Variants in CALN1 observed in about 807,000 individuals in gnomAD.
The protein encoded by CALN1 is calneuron 1.
In CALN1, 17 loss-of-function variants were observed where a neutral mutation model predicts 30.6. The ratio of observed to expected loss-of-function variants is 0.56; its 90% CI spans 0.38 to 0.83. The LOEUF (loss-of-function observed/expected upper bound fraction) is 0.83, where lower values mean the gene tolerates loss of function less well. Ranked by LOEUF, CALN1 falls within the 40% of genes least tolerant of loss-of-function variation. The pLI, the probability that CALN1 is intolerant of heterozygous loss-of-function variation, is 0.00. For missense variants in CALN1, 291 were observed against 354.9 expected, an observed-to-expected ratio of 0.82 and a Z score of 1.45; for synonymous variants, 156 against 131.4, an observed-to-expected ratio of 1.19 and a Z score of -1.28.
intron 3 of CALN1, among the ~76,000 whole-genome samples, chr7:72,236,079 CAAAAAA>C (rs11299009): frequency 8.4e-6 from 1 of 118,594 alleles, no homozygotes. Flanking sequence ...CCATTCTCCA[CAAAAAA>C]AAAAAAAAAA....
intron 5 of CALN1, among the ~76,000 whole-genome samples, chr7:71,878,898 G>A (rs1792408257): frequency 6.6e-6 from 1 of 152,214 alleles, no homozygotes; most frequent in Non-Finnish European, 1.5e-5. Context: ...AATCAGGTGA[G>A]AAGAGAGAAC....
chr7:72,000,626 C>T (rs909310815), intron 5 of CALN1, among the ~76,000 whole-genome samples: 1 of 152,128 alleles, frequency 6.6e-6, no homozygotes, highest in Non-Finnish European at 1.5e-5. Flanking sequence ...TATACCATCT[C>T]TCCCATAAAC....
At chr7:71,957,433 CAG>C (rs1407474041) in intron 5 of CALN1, among the ~76,000 whole-genome samples, 1 of 152,130 alleles carries the variant, frequency 6.6e-6, no homozygotes, top group Non-Finnish European at 1.5e-5. Context: ...GTAAGCAACT[CAG>C]AGATGAAATA....
At chr7:71,895,235 A>G (rs567698928) in intron 5 of CALN1, among the ~76,000 whole-genome samples, 28 of 152,224 alleles carry the variant, frequency 1.8e-4, no homozygotes, top group African/African-American at 3.1e-4. Context: ...GATTACATAC[A>G]TGAACCATTG....
At chr7:71,912,327 T>TAACAGACAGTGCCC (rs762140777) in intron 5 of CALN1, among the ~76,000 whole-genome samples, 1 of 152,086 alleles carries the variant, frequency 6.6e-6, no homozygotes, top group Admixed American at 6.5e-5. Context: ...CAGTTGATGA[T>TAACAGACAGTGCCC]AACAGACAGT....
intron 3 of CALN1, among the ~76,000 whole-genome samples, chr7:72,137,845 G>T (rs972083548): frequency 9.9e-5 from 15 of 152,098 alleles, no homozygotes; most frequent in African/African-American, 2.9e-4. Flanking sequence ...TTTAGAAAAA[G>T]AACAAATTTT....
chr7:72,111,443 C>T (rs1425514215), intron 3 of CALN1, among the ~76,000 whole-genome samples: 2 of 152,126 alleles, frequency 1.3e-5, no homozygotes, highest in Non-Finnish European at 2.9e-5. Flanking sequence ...AAGAGATTTA[C>T]TTCTCATTAT....
At chr7:72,373,276 T>C (rs1241804556) in intron 2 of CALN1, among the ~76,000 whole-genome samples, 5 of 152,130 alleles carry the variant, frequency 3.3e-5, no homozygotes, top group Admixed American at 3.3e-4. Context: ...AAAATTCCAA[T>C]ACTATTTGTG....
intron 1 of CALN1, among the ~76,000 whole-genome samples, chr7:72,407,287 G>A (rs1211664918): frequency 2.0e-5 from 3 of 152,188 alleles, no homozygotes; most frequent in Non-Finnish European, 4.4e-5. Context: ...ACCTTTTAAA[G>A]TTATTGTAAA....
In CALN1 at chr7:72,247,227, CTTTTTTTTTTTTTTTTTT is replaced by C. The variant is rs764276435; in HGVS notation, c.244+31441_244+31458del. ...GGGTTTTCAACAGACCATTTTCTTTCTTTTTTTTTTTTTTTTTTTTTTTTTTTTTTTTTTTTTTTGAGA... is the reference window on the plus strand; with the variant it reads ...GGGTTTTCAACAGACCATTTTCTTTCTTTTTTTTTTTTTTTTTTTTTGAGA... On this transcript the variant is annotated intron_variant, in intron 3 of 6. Transcript: ENST00000395275. Among the ~76,000 whole-genome samples, 27 of 77,708 alleles carry C rather than the reference CTTTTTTTTTTTTTTTTTT, an allele frequency of 3.5e-4. 2 individuals are homozygous for C. The highest frequency in any genetic ancestry group is 1.6e-3 in the South Asian group (4 of 2,466). The allele number at this position is 77,708 out of a possible 152,430, so 51.0% of individuals were successfully genotyped here.
At chr7:72,152,863 C>T (rs1787362912) in intron 3 of CALN1, among the ~76,000 whole-genome samples, 1 of 152,204 alleles carries the variant, frequency 6.6e-6, no homozygotes, top group Admixed American at 6.5e-5. Context: ...TGAGGTCACT[C>T]CATGGGGGAG....
intron 3 of CALN1, among the ~76,000 whole-genome samples, chr7:72,164,612 C>T (rs1227128062): frequency 6.6e-6 from 1 of 152,132 alleles, no homozygotes; most frequent in Admixed American, 6.5e-5. Context: ...CTGTTTTAAG[C>T]CACTCAGTTC....
At chr7:71,859,900 T>C (rs887491660) in intron 5 of CALN1, among the ~76,000 whole-genome samples, 2 of 152,158 alleles carry the variant, frequency 1.3e-5, no homozygotes, top group African/African-American at 4.8e-5. Flanking sequence ...CAGAGGTGTA[T>C]GATTAAGGGA....
chr7:72,034,703 G>A (rs1405133130), intron 4 of CALN1, among the ~76,000 whole-genome samples: 6 of 147,560 alleles, frequency 4.1e-5, no homozygotes, highest in Admixed American at 1.4e-4. Context: ...CATGAGAATC[G>A]CTTGAACCTG....
rs17143997 is a variant in CALN1 at position 71,810,601 on chromosome 7, G to T, written c.502-109C>A. 2.3e-4 allele frequency: 246 copies of T among 1,067,428 alleles called. 1 individual carries two copies. The African/African-American group carries it at 3.6e-3, about 16-fold the overall frequency. 66.1% of individuals were successfully genotyped at this position (1,067,428 alleles called of 1,614,324 possible). A position where few individuals can be genotyped will look rare whatever the true frequency, so the allele number is the denominator to read the frequency against. ...CTGCTCTGCAGAAACTTGTCTCAGC[G>T]TTTCAGGATATCAGGTGAACAGTTT... On this transcript the variant is annotated intron_variant, in intron 5 of 6. Coordinates refer to ENST00000395275, the MANE Select transcript of CALN1 (RefSeq NM_031468.4).
At chr7:72,236,984 T>G (rs553065129) in intron 3 of CALN1, among the ~76,000 whole-genome samples, 14 of 151,646 alleles carry the variant, frequency 9.2e-5, no homozygotes, top group Admixed American at 7.9e-4. Flanking sequence ...TTTTTTCTAT[T>G]TTTATTTTTT....
At chr7:72,033,592 T>C (rs1197222294) in intron 4 of CALN1, among the ~76,000 whole-genome samples, 1 of 151,886 alleles carries the variant, frequency 6.6e-6, no homozygotes, top group Non-Finnish European at 1.5e-5. Flanking sequence ...AGGATTCTAA[T>C]GAATTGCAAA....
intron 4 of CALN1, among the ~76,000 whole-genome samples, chr7:72,065,579 T>C (rs1389102688): frequency 6.6e-6 from 1 of 152,196 alleles, no homozygotes; most frequent in African/African-American, 2.4e-5. Context: ...GTATGTATTC[T>C]GGAGTCCCAT....
chr7:72,486,150 G>A, the CALN1 span, among the ~76,000 whole-genome samples: 176 of 152,018 alleles, frequency 1.2e-3, 2 homozygotes, highest in East Asian at 0.031. Context: ...TGCTGGCAAC[G>A]GTAAAACAAT....
Sources: allele counts gnomAD v4.1 joint callset (sites outside exome capture counted in the v4.1 genomes callset), GRCh38; gene constraint gnomAD v4.1.1; transcripts MANE v1.5; gene names NCBI Gene and HGNC (gene_info 2026-07-23, HGNC 2026-07-21).